CHRNA7: variants seen among roughly 807,000 people sequenced by gnomAD.
CHRNA7 encodes the protein neuronal acetylcholine receptor subunit alpha-7.
Under a neutral mutation model 48.0 loss-of-function variants are expected in CHRNA7, and 17 were observed. The observed-to-expected ratio is 0.35, with a 90% CI of 0.24 to 0.53. The LOEUF (loss-of-function observed/expected upper bound fraction) is 0.53. Ranked by LOEUF, CHRNA7 falls within the 20% of genes least tolerant of loss-of-function variation. The pLI is 0.92. For missense variants in CHRNA7, 155 were observed against 577.7 expected, an observed-to-expected ratio of 0.27 and a Z score of 7.50; for synonymous variants, 75 against 242.3, an observed-to-expected ratio of 0.31 and a Z score of 6.41.
At chr15:32,084,523 G>A (rs2050264550) in intron 2 of CHRNA7, among the ~76,000 whole-genome samples, 1 of 152,232 alleles carries the variant, frequency 6.6e-6, no homozygotes, top group Non-Finnish European at 1.5e-5. Context: ...ATTTACCGTG[G>A]TGGCTCCAGT....
rs919304153 is a variant in CHRNA7 at position 32,035,083 on chromosome 15, A to G, written c.195+4046A>G. Among the ~76,000 whole-genome samples, 3 of 152,262 alleles carry G rather than the reference A, an allele frequency of 2.0e-5. No individual in the cohort carries two copies. In the South Asian group the frequency reaches 6.2e-4, roughly 31 times the overall value. On this transcript the variant is annotated intron_variant, in intron 2 of 9. Coordinates refer to ENST00000306901, the MANE Select transcript of CHRNA7 (RefSeq NM_000746.6). The stretch of plus-strand genomic sequence containing the variant: ...ATAAACATCATGAATATACATCAAT[A>G]AATTTGCTAAGTGAAAGTGCCTAAA...
chr15:32,101,497 C>T, intron 3 of CHRNA7, 150 bp downstream of exon 3: 1 of 744,786 alleles, frequency 1.3e-6, no homozygotes, highest in Non-Finnish European at 2.3e-6. Context: ...ACACCAACTC[C>T]ACACCTGCCA....
chr15:32,145,045 G>A (rs2051459202), intron 4 of CHRNA7, among the ~76,000 whole-genome samples: 2 of 152,204 alleles, frequency 1.3e-5, no homozygotes, highest in South Asian at 4.1e-4. Flanking sequence ...CCTCATCTTT[G>A]TGGTTTTATC....
intron 9 of CHRNA7, among the ~76,000 whole-genome samples, chr15:32,164,993 A>C (rs1566888653): frequency 8.3e-6 from 1 of 119,908 alleles, no homozygotes; most frequent in African/African-American, 3.2e-5. Context: ...CTCAGCCTAC[A>C]TGGTGATGTC....
chr15:32,118,674 G>T (rs541110715), intron 4 of CHRNA7, among the ~76,000 whole-genome samples: 2 of 152,146 alleles, frequency 1.3e-5, no homozygotes, highest in African/African-American at 4.8e-5. Flanking sequence ...TTTAGTGAAG[G>T]CTCCCTCAGC....
intron 2 of CHRNA7, among the ~76,000 whole-genome samples, chr15:32,095,252 T>G (rs2050448618): frequency 6.6e-6 from 1 of 152,228 alleles, no homozygotes; most frequent in Non-Finnish European, 1.5e-5. Context: ...AGGATGGTCC[T>G]AGAAATGCCA....
At chr15:32,072,008 G>A (rs985625012) in intron 2 of CHRNA7, among the ~76,000 whole-genome samples, 2 of 152,126 alleles carry the variant, frequency 1.3e-5, no homozygotes, top group African/African-American at 2.4e-5. Context: ...TTAGAAGACA[G>A]GAAGATTAGG....
rs1298418514 is a variant in CHRNA7 at position 32,149,493 on chromosome 15, C to G, written c.351-4414C>G. Among the ~76,000 whole-genome samples, 1 of 152,164 alleles carries G rather than the reference C, an allele frequency of 6.6e-6. No homozygotes were observed. Among genetic ancestry groups the G allele is most frequent in the East Asian group, 1.9e-4 (1 of 5,188 alleles). On this transcript the variant is annotated intron_variant, in intron 4 of 9. Coordinates refer to ENST00000306901, the MANE Select transcript of CHRNA7 (RefSeq NM_000746.6). This position sits in a 1 kb window ranked among gnomAD's most constrained non-coding sequence, Gnocchi z 4.6. ...CAAACTCAGTTTTCAGCAACAGGGC[C>G]TTTCTTCAAACTCATCTTATCTCCA...
intron 2 of CHRNA7, among the ~76,000 whole-genome samples, chr15:32,043,658 C>T (rs548428838): frequency 1.3e-5 from 2 of 152,236 alleles, no homozygotes; most frequent in Admixed American, 1.3e-4. Flanking sequence ...TCCAATTTAT[C>T]TACTGTTATT....
At chr15:32,151,591 C>T (rs767778974) in intron 4 of CHRNA7, among the ~76,000 whole-genome samples, 1 of 152,232 alleles carries the variant, frequency 6.6e-6, no homozygotes, top group East Asian at 1.9e-4. Flanking sequence ...TTGTCCTCTA[C>T]GCTGTCTTCT....
chr15:32,107,235 CAG>C (rs2050685453), intron 3 of CHRNA7, among the ~76,000 whole-genome samples: 2 of 152,124 alleles, frequency 1.3e-5, no homozygotes. Flanking sequence ...GGAGTTGCAT[CAG>C]ATCCCACAGG....
chr15:32,135,295 A>G (rs1219587778), intron 4 of CHRNA7, among the ~76,000 whole-genome samples: 2 of 152,244 alleles, frequency 1.3e-5, no homozygotes, highest in Non-Finnish European at 2.9e-5. Flanking sequence ...ATACAGATAT[A>G]AAAATGAGCA....
chr15:32,117,720 G>A (rs1214934533), intron 4 of CHRNA7, among the ~76,000 whole-genome samples: 1 of 152,126 alleles, frequency 6.6e-6, no homozygotes, highest in Non-Finnish European at 1.5e-5. Flanking sequence ...TATCTATTAT[G>A]GAGTCATGGC....
At chr15:32,110,753 T>C (rs1358401826) in intron 3 of CHRNA7, among the ~76,000 whole-genome samples, 2 of 152,226 alleles carry the variant, frequency 1.3e-5, no homozygotes, top group East Asian at 3.8e-4. Context: ...TTGAAATCTA[T>C]GTGAATTGAG....
At chr15:32,095,298 C>G (rs1322705242) in intron 2 of CHRNA7, among the ~76,000 whole-genome samples, 1 of 152,194 alleles carries the variant, frequency 6.6e-6, no homozygotes. Flanking sequence ...ATCCAGGCTT[C>G]AGGACTCCGT....
rs1049829672 is a variant in CHRNA7 at position 32,149,064 on chromosome 15, T to C, written c.351-4843T>C. On this transcript the variant is annotated intron_variant, in intron 4 of 9. Transcript: ENST00000306901. This position sits in a 1 kb window ranked among gnomAD's most constrained non-coding sequence, Gnocchi z 4.6. The stretch of plus-strand genomic sequence containing the variant: ...TCACACCAAGAGTGGGCCCCAGTCA[T>C]TGCTGGCTGGGGGAGGACAAAGGCA... Among the ~76,000 whole-genome samples the C allele has an allele frequency of 3.3e-5, 5 of 152,144 alleles. No homozygotes were observed. The highest frequency in any genetic ancestry group is 1.2e-4 in the African/African-American group (5 of 41,432).
intron 2 of CHRNA7, among the ~76,000 whole-genome samples, chr15:32,035,116 T>A (rs1049710196): frequency 1.3e-5 from 2 of 152,258 alleles, no homozygotes; most frequent in Non-Finnish European, 2.9e-5. Flanking sequence ...AAATTATTCT[T>A]ATATGCACAC....
chr15:32,066,996 A>G (rs561704094), intron 2 of CHRNA7, among the ~76,000 whole-genome samples: 2 of 150,396 alleles, frequency 1.3e-5, no homozygotes, highest in East Asian at 5.7e-4. Flanking sequence ...ATAACTGAGA[A>G]AAAAAATGGG....
chr15:32,048,876 T>C (rs75482292), intron 2 of CHRNA7, among the ~76,000 whole-genome samples: 42,505 of 150,628 alleles, frequency 0.28, 7,708 homozygotes, highest in East Asian at 0.6. Flanking sequence ...TGTGTCTTTG[T>C]TCTCGTTGGT....
Sources: allele counts gnomAD v4.1 joint callset (sites outside exome capture counted in the v4.1 genomes callset), GRCh38; gene constraint gnomAD v4.1.1; non-coding constraint Gnocchi (gnomAD v3.1); transcripts MANE v1.5; gene names NCBI Gene and HGNC (gene_info 2026-07-23, HGNC 2026-07-21).